Variants in KDM1A observed in about 807,000 individuals in gnomAD.
The protein encoded by KDM1A is lysine-specific histone demethylase 1A.
KDM1A carries 49 observed loss-of-function variants against 109.4 expected under a neutral mutation model. The observed-to-expected ratio is 0.45, with a 90% confidence interval of 0.36 to 0.57. KDM1A has a LOEUF of 0.57. Among genes scored for constraint, KDM1A ranks in the 20% least tolerant of loss-of-function variants. The pLI is 0.00. For missense variants in KDM1A, 668 were observed against 1,116.6 expected, an observed-to-expected ratio of 0.60 and a Z score of 5.73; for synonymous variants, 380 against 415.4, an observed-to-expected ratio of 0.91 and a Z score of 1.04.
intron 4 of KDM1A, among the ~76,000 whole-genome samples, chr1:23,053,479 G>A (rs1266342313): frequency 1.3e-5 from 2 of 151,984 alleles, no homozygotes; most frequent in African/African-American, 2.4e-5. Flanking sequence ...TCGACGTCCC[G>A]GGCTCAAGCA....
At chr1:23,082,730 C>T (rs1643657087) in intron 20 of KDM1A, 1 of 204,672 alleles carries the variant, frequency 4.9e-6, no homozygotes, top group Non-Finnish European at 9.9e-6. Flanking sequence ...TGAGAAATAA[C>T]CCTGGGTCCT....
intron 20 of KDM1A, chr1:23,082,729 A>C (rs1056829072): frequency 4.9e-6 from 1 of 203,128 alleles, no homozygotes; most frequent in African/African-American, 2.3e-5. Flanking sequence ...CTGAGAAATA[A>C]CCCTGGGTCC....
chr1:23,061,410 G>T (rs553324539), intron 9 of KDM1A, among the ~76,000 whole-genome samples: 1 of 152,154 alleles, frequency 6.6e-6, no homozygotes, highest in Non-Finnish European at 1.5e-5. Flanking sequence ...TTTTCCCAAC[G>T]AAATTGGTAG....
At chr1:23,072,624 G>A (rs572890317) in intron 14 of KDM1A, among the ~76,000 whole-genome samples, 1 of 152,100 alleles carries the variant, frequency 6.6e-6, no homozygotes, top group African/African-American at 2.4e-5. Flanking sequence ...AATCTGTTCT[G>A]TTCTGTATTC....
intron 19 of KDM1A, 197 bp from the exon 20 acceptor site, chr1:23,082,023 A>T: frequency 1.9e-6 from 1 of 525,370 alleles, no homozygotes; most frequent in Admixed American, 3.2e-5. Flanking sequence ...GGCAACATGG[A>T]GGGGCATCCT....
At chr1:23,061,560 CTTAG>C (rs1182871265) in intron 9 of KDM1A, among the ~76,000 whole-genome samples, 1 of 152,058 alleles carries the variant, frequency 6.6e-6, no homozygotes, top group Non-Finnish European at 1.5e-5. Context: ...TTATGCTTGC[CTTAG>C]TTAATCAAAC....
intron 7 of KDM1A, among the ~76,000 whole-genome samples, chr1:23,057,211 G>A (rs11806664): frequency 0.74 from 112,332 of 152,012 alleles, 42,638 homozygotes; most frequent in Non-Finnish European, 0.83. Flanking sequence ...TTATCTTCCA[G>A]CTGTCAAGAC....
At chr1:23,037,999 A>AAAATGAGACTTGTTATGAGAATC (rs1642199068) in intron 2 of KDM1A, among the ~76,000 whole-genome samples, 1 of 152,264 alleles carries the variant, frequency 6.6e-6, no homozygotes, top group Non-Finnish European at 1.5e-5. Flanking sequence ...TCTCGTCTAC[A>AAAATGAGACTTGTTATGAGAATC]AAATGAGACT....
In KDM1A at chr1:23,019,629, G is replaced by A; in HGVS notation, c.33G>A (p.Ala11=). 2 of 1,415,120 alleles carry A rather than the reference G, an allele frequency of 1.4e-6. No homozygotes were observed. Among genetic ancestry groups the A allele is most frequent in the Non-Finnish European group, 1.8e-6 (2 of 1,093,324 alleles). The allele number at this position is 1,415,120 out of a possible 1,614,324, so 87.7% of individuals were successfully genotyped here. A position where few individuals can be genotyped will look rare whatever the true frequency, so the allele number is the denominator to read the frequency against. Residue 11 remains alanine (A), a synonymous_variant, in exon 1 of 21, where the codon GCG becomes GCA. Transcript: ENST00000400181. The part of the protein sequence containing the change: MLSGKKAAAA[A]AAAAAAATGT... ...CTGGGAAGAAGGCGGCAGCCGCGGC[G>A]GCGGCGGCTGCAGCGGCAGCAACCG... is the stretch of plus-strand genomic sequence containing the variant.
At chr1:23,076,197 A>C (rs1643459603) in intron 15 of KDM1A, among the ~76,000 whole-genome samples, 1 of 152,188 alleles carries the variant, frequency 6.6e-6, no homozygotes, top group Non-Finnish European at 1.5e-5. Context: ...CTGCCAGCCC[A>C]GTATTTTGAT....
intron 19 of KDM1A, chr1:23,082,001 C>CGTCGTATCA: frequency 2.0e-6 from 1 of 509,656 alleles, no homozygotes; most frequent in South Asian, 3.0e-5. Flanking sequence ...TCTCTGGATT[C>CGTCGTATCA]ATAGACAGGA....
chr1:23,058,862 C>G (rs1642916247), intron 8 of KDM1A, among the ~76,000 whole-genome samples: 2 of 151,570 alleles, frequency 1.3e-5, no homozygotes. Context: ...CTAGAAGAAT[C>G]TGTAATGTTA....
intron 7 of KDM1A, among the ~76,000 whole-genome samples, chr1:23,056,590 A>C (rs1234344153): frequency 1.3e-5 from 2 of 152,082 alleles, no homozygotes; most frequent in Non-Finnish European, 2.9e-5. Context: ...ATGATCTTCT[A>C]ATGGCTTTGA....
At chr1:23,048,945 TC>T (rs1364426302) in intron 3 of KDM1A, among the ~76,000 whole-genome samples, 7 of 151,854 alleles carry the variant, frequency 4.6e-5, no homozygotes, top group African/African-American at 1.7e-4. Context: ...GGCCAGGAGT[TC>T]CAGACTAGTC....
chr1:23,075,259 C>A (rs12752664), intron 15 of KDM1A, among the ~76,000 whole-genome samples: 1 of 152,182 alleles, frequency 6.6e-6, no homozygotes, highest in African/African-American at 2.4e-5. Flanking sequence ...CTTCTTGGAC[C>A]AATCTCTAAA....
At chr1:23,062,811 A>G (rs1466300642) in intron 9 of KDM1A, among the ~76,000 whole-genome samples, 3 of 152,192 alleles carry the variant, frequency 2.0e-5, no homozygotes, top group African/African-American at 7.2e-5. Context: ...ATATAAAGAT[A>G]TAATATAGGG....
At chr1:23,044,033 G>C (rs921836534) in intron 2 of KDM1A, among the ~76,000 whole-genome samples, 1 of 152,178 alleles carries the variant, frequency 6.6e-6, no homozygotes, top group African/African-American at 2.4e-5. Flanking sequence ...ATATTAAGTT[G>C]ATGCTGAATT....
chr1:23,046,243 T>C (rs1353344772), intron 3 of KDM1A, among the ~76,000 whole-genome samples: 1 of 152,174 alleles, frequency 6.6e-6, no homozygotes, highest in East Asian at 1.9e-4. Context: ...TCCTTTAAAA[T>C]AGTGTTTACC....
chr1:23,056,159 A>C, intron 7 of KDM1A, 121 bp downstream of exon 7: 1 of 636,456 alleles, frequency 1.6e-6, no homozygotes, highest in Non-Finnish European at 2.7e-6. Context: ...TATAATACTC[A>C]GAGTATTTTG....
Sources: allele counts gnomAD v4.1 joint callset (sites outside exome capture counted in the v4.1 genomes callset), GRCh38; gene constraint gnomAD v4.1.1; transcripts MANE v1.5; gene names NCBI Gene and HGNC (gene_info 2026-07-23, HGNC 2026-07-21).